Variants in LAMA3 observed in about 807,000 individuals in gnomAD.
LAMA3 encodes laminin subunit alpha-3.
A neutral mutation model predicts 402.0 loss-of-function variants in LAMA3; 281 were observed. The observed-to-expected ratio is 0.70, with a 90% CI of 0.63 to 0.77. The LOEUF is 0.77. LAMA3 is among the 30% of genes least tolerant of loss of function. The pLI is 0.00. For missense variants in LAMA3, 3,840 were observed against 4,215.5 expected (o/e 0.91, Z 2.47); for synonymous variants, 1,431 against 1,558.4 (o/e 0.92, Z 1.93).
At position 23,824,460 on chromosome 18, in the gene LAMA3, T is replaced by C; in HGVS notation, c.2466T>C (p.Ser822=). 1 of 1,614,150 alleles carries C rather than the reference T, an allele frequency of 6.2e-7. No homozygotes were observed. The highest frequency in any genetic ancestry group is 8.5e-7 in the Non-Finnish European group (1 of 1,179,980). The change falls in exon 21 of 75, where the codon AGT becomes AGC. Residue 822 remains serine (S), a synonymous_variant. Transcript: ENST00000313654. ...AQSKEIIFLP[S]KEPAFVTVPG... ...GCAAAGAGATCATCTTCCTGCCGAG[T>C]AAGGAGCCAGCCTTTGTCACTGTCC... is the stretch of plus-strand genomic sequence containing the variant.
At chr18:23,950,968 G>C (rs996498604) in intron 72 of LAMA3, among the ~76,000 whole-genome samples, 1 of 152,158 alleles carries the variant, frequency 6.6e-6, no homozygotes, top group African/African-American at 2.4e-5. Context: ...ATCAAGACCC[G>C]ATGACCTTCA....
At chr18:23,736,395 T>G (rs1370966975) in intron 2 of LAMA3, among the ~76,000 whole-genome samples, 3 of 151,350 alleles carry the variant, frequency 2.0e-5, no homozygotes, top group Non-Finnish European at 2.9e-5. Context: ...ATTTGTATGG[T>G]CAATTAGTGA....
At chr18:23,877,298 A>C (rs1182331933) in intron 39 of LAMA3, among the ~76,000 whole-genome samples, 3 of 152,146 alleles carry the variant, frequency 2.0e-5, no homozygotes, top group East Asian at 3.8e-4. Context: ...TATTTTATAA[A>C]ATTCTTCTAC....
At chr18:23,804,377 G>A (rs543921507) in intron 12 of LAMA3, among the ~76,000 whole-genome samples, 3 of 152,278 alleles carry the variant, frequency 2.0e-5, no homozygotes, top group South Asian at 4.1e-4. Context: ...CTTGTTCTGG[G>A]ACTCACACTA....
rs1489511523 is a variant in LAMA3 at position 23,839,778 on chromosome 18, T to C, written c.3192-7T>C. ...AAAATCAGATTTTTAAATATTCTAT[T>C]TTTCAGTGCCACCTGTGTCTCCTTG... is the stretch of plus-strand genomic sequence containing the variant. On this transcript the variant is annotated splice_region_variant and splice_polypyrimidine_tract_variant and intron_variant, in intron 26 of 74. Transcript: ENST00000313654. The surrounding 1 kb of genome is among the most constrained non-coding windows in gnomAD (Gnocchi z 4.5). 1 of 1,614,026 alleles carries C rather than the reference T, an allele frequency of 6.2e-7. No homozygotes were observed. The highest frequency in any genetic ancestry group is 8.5e-7 in the Non-Finnish European group (1 of 1,179,968).
Position 23,903,125 on chromosome 18 carries a change from G to C in LAMA3, c.6318G>C (p.Lys2106Asn). Residue 2106 changes from lysine (K) to asparagine (N), a missense_variant and splice_region_variant, in exon 49 of 75, where the codon AAG becomes AAC. Coordinates refer to ENST00000313654, the MANE Select transcript of LAMA3 (RefSeq NM_198129.4). ...TGCAGCTGATGGAGAAAAGCCAGAA[G>C]GTAGAGGAAATAGTTGTTCTCTAGA... ...IALQLMEKSQ[K>N]EYEKLAASLN... The C allele has an allele frequency of 4.4e-6, 7 of 1,573,932 alleles. No individual in the cohort carries two copies. Among genetic ancestry groups the C allele is most frequent in the Non-Finnish European group, 5.2e-6 (6 of 1,143,542 alleles).
At chr18:23,937,088 G>A (rs62087884) in intron 67 of LAMA3, among the ~76,000 whole-genome samples, 1 of 152,156 alleles carries the variant, frequency 6.6e-6, no homozygotes, top group Non-Finnish European at 1.5e-5. Context: ...GGGGCTGGCT[G>A]GGCAAGGTGG....
chr18:23,844,269 C>G (rs954037794), intron 29 of LAMA3, among the ~76,000 whole-genome samples: 3 of 152,238 alleles, frequency 2.0e-5, no homozygotes, highest in Non-Finnish European at 4.4e-5. Context: ...TATACTGGCA[C>G]AGAGAACCAA....
Position 23,901,125 on chromosome 18 carries a change from A to T in LAMA3, c.6005-2A>T. ...TAGAAAACATGAGGTGATGTATTACAGTGCTGAACCGGATAAGGACCTGGC... is the reference window on the plus strand; with the variant it reads ...TAGAAAACATGAGGTGATGTATTACTGTGCTGAACCGGATAAGGACCTGGC... On this transcript the variant is annotated splice_acceptor_variant, in intron 47 of 74. Coordinates refer to ENST00000313654, the MANE Select transcript of LAMA3 (RefSeq NM_198129.4). LOFTEE classifies it high-confidence loss of function. 6.2e-7 allele frequency: 1 copy of T among 1,613,452 alleles called. No individual in the cohort carries two copies. The highest frequency in any genetic ancestry group is 8.5e-7 in the Non-Finnish European group (1 of 1,179,386).
chr18:23,759,330 C>CAAA (rs34457452), intron 7 of LAMA3, among the ~76,000 whole-genome samples: 1 of 112,622 alleles, frequency 8.9e-6, no homozygotes, highest in Admixed American at 8.9e-5. Flanking sequence ...AAGATCCTGT[C>CAAA]AAAAAAAAAA....
chr18:23,689,991 A>C lies in LAMA3; in HGVS notation c.294+14A>C. The C allele has an allele frequency of 6.9e-7, 1 of 1,445,976 alleles. No homozygotes were observed. Among genetic ancestry groups the C allele is most frequent in the Non-Finnish European group, 9.1e-7 (1 of 1,096,186 alleles). 89.6% of individuals were successfully genotyped at this position (1,445,976 alleles called of 1,614,324 possible). ...CACACCATCCAGGTGAGGGCCTCGG[A>C]GAGAGCCGGGGTGGGCGCGCCTTTT... On this transcript the variant is annotated intron_variant, in intron 1 of 74. Coordinates refer to ENST00000313654, the MANE Select transcript of LAMA3 (RefSeq NM_198129.4).
At position 23,748,010 on chromosome 18, in the gene LAMA3, A is replaced by T; in HGVS notation, c.515A>T (p.Glu172Val). ...CCTCGCCCTGATCTTTGGGTCTTGG[A>T]AAGATCTGTAGACTTTGGAAGCACC... Reference protein sequence around the residue: ...NSPRPDLWVLERSVDFGSTYS... With the variant: ...NSPRPDLWVLVRSVDFGSTYS... Residue 172 changes from glutamate to valine, a missense_variant, in exon 3 of 75, where the codon GAA becomes GTA. This residue lies in a region of LAMA3 where 2,109 missense variants were observed against 2,376.0 expected (regional missense o/e 0.89). Coordinates refer to ENST00000313654, the MANE Select transcript of LAMA3 (RefSeq NM_198129.4). 1 of 1,613,758 alleles carries T rather than the reference A, an allele frequency of 6.2e-7. No homozygotes were observed. Among genetic ancestry groups the T allele is most frequent in the Non-Finnish European group, 8.5e-7 (1 of 1,179,620 alleles).
intron 8 of LAMA3, among the ~76,000 whole-genome samples, chr18:23,767,150 A>AT (rs2062092926): frequency 6.6e-6 from 1 of 152,186 alleles, no homozygotes; most frequent in Non-Finnish European, 1.5e-5. Context: ...AAATCTAGGA[A>AT]TACATCTAAC....
chr18:23,723,583 G>C (rs541335796), intron 2 of LAMA3, among the ~76,000 whole-genome samples: 1 of 151,844 alleles, frequency 6.6e-6, no homozygotes, highest in South Asian at 2.1e-4. Flanking sequence ...TCGGTGGATG[G>C]GGAGATCAGT....
chr18:23,689,783 G>C lies in LAMA3; in HGVS notation c.100G>C (p.Ala34Pro). The change falls in exon 1 of 75, where the codon GCG becomes CCG. Residue 34 changes from alanine (A) to proline (P), a missense_variant. Ala to Pro is a conservative substitution (Grantham distance 27). Coordinates refer to ENST00000313654, the MANE Select transcript of LAMA3 (RefSeq NM_198129.4). ...ACTGCGGGTGCTGCCAGCCTGCGGGGCGACCGCTCGGGATCCCGGGGCCGC... is the reference window on the plus strand; with the variant it reads ...ACTGCGGGTGCTGCCAGCCTGCGGGCCGACCGCTCGGGATCCCGGGGCCGC... ...LVLRVLPACG[A>P]TARDPGAAAG... 1 of 1,532,010 alleles carries C rather than the reference G, an allele frequency of 6.5e-7. No individual in the cohort carries two copies. The highest frequency in any genetic ancestry group is 8.8e-7 in the Non-Finnish European group (1 of 1,140,638). 94.9% of individuals were successfully genotyped at this position (1,532,010 alleles called of 1,614,324 possible).
chr18:23,805,660 A>G (rs985655878), intron 12 of LAMA3, among the ~76,000 whole-genome samples: 3 of 152,150 alleles, frequency 2.0e-5, no homozygotes, highest in African/African-American at 4.8e-5. Context: ...CCATAAACCC[A>G]TACTCTGACT....
chr18:23,694,230 C>T (rs955708054), intron 1 of LAMA3, among the ~76,000 whole-genome samples: 6 of 152,066 alleles, frequency 3.9e-5, no homozygotes, highest in East Asian at 3.9e-4. Context: ...GAGAATAATA[C>T]GGGTTTAAAG....
chr18:23,749,550 A>G lies in LAMA3; in HGVS notation c.684+4A>G, dbSNP rs774446451. 1 of 1,512,254 alleles carries G rather than the reference A, an allele frequency of 6.6e-7. No homozygotes were observed. The highest frequency in any genetic ancestry group is 9.2e-7 in the Non-Finnish European group (1 of 1,087,076). The allele number at this position is 1,512,254 out of a possible 1,614,324, so 93.7% of individuals were successfully genotyped here. ...TGTACCTTTGGAAAATGGTGAGGTA[A>G]GTAGATTTGGAAGACTGGGAGAGAT... On this transcript the variant is annotated splice_donor_region_variant and intron_variant, in intron 4 of 74. Coordinates refer to ENST00000313654, the MANE Select transcript of LAMA3 (RefSeq NM_198129.4).
In LAMA3 at chr18:23,914,762, G is replaced by A. The variant is rs113624323; in HGVS notation, c.7546G>A (p.Gly2516Arg). The change falls in exon 58 of 75, where the codon GGA becomes AGA. Residue 2516 changes from glycine (G) to arginine (R), a missense_variant. Physicochemically the swap from Gly to Arg is moderately radical, Grantham distance 125 (BLOSUM62 -2). Around this residue, in one of 3 missense-constraint regions of LAMA3, gnomAD observed 891 missense variants for 857.5 expected, o/e 1.04. Transcript: ENST00000313654. ...GATSSKPETPGVYDMDGRNSN... is the reference protein window; with the variant it reads ...GATSSKPETPRVYDMDGRNSN... ...CACATCCAGTAAACCAGAAACACCC[G>A]GAGTCTATGACATGGATGGTAGAAA... is the stretch of plus-strand genomic sequence containing the variant. 135 of 1,613,164 alleles carry A rather than the reference G, an allele frequency of 8.4e-5. No homozygotes were observed. Among genetic ancestry groups the A allele is most frequent in the Middle Eastern group, 1.6e-4 (1 of 6,062 alleles).
Sources: allele counts gnomAD v4.1 joint callset (sites outside exome capture counted in the v4.1 genomes callset), GRCh38; gene constraint gnomAD v4.1.1; regional missense constraint gnomAD v4.1.1; non-coding constraint Gnocchi (gnomAD v3.1); transcripts MANE v1.5; gene names NCBI Gene and HGNC (gene_info 2026-07-23, HGNC 2026-07-21).